Variants in POU6F2 observed in about 807,000 individuals in gnomAD.
POU6F2 encodes the protein POU class 6 homeobox 2.
A neutral mutation model predicts 71.3 loss-of-function variants in POU6F2; 31 were observed. The ratio of observed to expected loss-of-function variants is 0.43; its 90% confidence interval spans 0.33 to 0.59. The LOEUF (loss-of-function observed/expected upper bound fraction) is 0.59, where lower values mean the gene tolerates loss of function less well. Among genes scored for constraint, POU6F2 ranks in the 20% least tolerant of loss-of-function variants. The pLI is 0.04. For synonymous variants in POU6F2, 347 were observed against 355.7 expected (o/e 0.98, Z 0.27); for missense variants, 783 against 856.8 (o/e 0.91, Z 1.07).
intron 4 of POU6F2, among the ~76,000 whole-genome samples, chr7:39,298,159 C>G (rs376131467): frequency 2.0e-5 from 3 of 152,120 alleles, no homozygotes; most frequent in Non-Finnish European, 4.4e-5. Flanking sequence ...CCAAAAATGA[C>G]AAATGGGATC....
At chr7:39,153,895 T>C (rs1049590117) in intron 2 of POU6F2, among the ~76,000 whole-genome samples, 1 of 152,142 alleles carries the variant, frequency 6.6e-6, no homozygotes, top group Admixed American at 6.5e-5. Context: ...TGGGTACCCT[T>C]GCCACTGGTG....
At chr7:39,272,431 A>C (rs554109181) in intron 4 of POU6F2, among the ~76,000 whole-genome samples, 91 of 152,262 alleles carry the variant, frequency 6.0e-4, no homozygotes, top group Non-Finnish European at 1.1e-3. Flanking sequence ...GACCAGCATA[A>C]TATTTTATTC....
At chr7:39,424,759 A>C (rs933969613) in intron 6 of POU6F2, among the ~76,000 whole-genome samples, 2 of 152,106 alleles carry the variant, frequency 1.3e-5, no homozygotes, top group Non-Finnish European at 2.9e-5. Flanking sequence ...TTACAGTAAA[A>C]TATGTAACCC....
intron 5 of POU6F2, among the ~76,000 whole-genome samples, chr7:39,368,085 A>C (rs551447461): frequency 1.3e-5 from 2 of 152,172 alleles, no homozygotes; most frequent in Admixed American, 6.5e-5. Flanking sequence ...TCCAAGTTTA[A>C]GTGAAAGGAA....
intron 1 of POU6F2, among the ~76,000 whole-genome samples, chr7:39,014,671 A>G (rs1789423489): frequency 6.6e-6 from 1 of 152,004 alleles, no homozygotes; most frequent in African/African-American, 2.4e-5. Context: ...TCACCTCCAC[A>G]TGTTGCTATA....
At chr7:39,066,096 C>T (rs192555931) in intron 1 of POU6F2, among the ~76,000 whole-genome samples, 33 of 151,752 alleles carry the variant, frequency 2.2e-4, no homozygotes, top group Admixed American at 9.2e-4. Flanking sequence ...TTCCTGGATC[C>T]GAAGATGCTT....
intron 2 of POU6F2, among the ~76,000 whole-genome samples, chr7:39,169,451 A>T (rs1486570760): frequency 6.6e-6 from 1 of 152,168 alleles, no homozygotes; most frequent in Non-Finnish European, 1.5e-5. Flanking sequence ...AAAAACCAAC[A>T]ACCAACAACA....
intron 5 of POU6F2, among the ~76,000 whole-genome samples, chr7:39,392,113 A>G (rs1274168689): frequency 2.0e-5 from 3 of 152,212 alleles, no homozygotes; most frequent in Non-Finnish European, 4.4e-5. Flanking sequence ...TAGTTAATAC[A>G]TTTATTTAGT....
At chr7:39,106,529 T>C (rs1451421364) in intron 2 of POU6F2, among the ~76,000 whole-genome samples, 2 of 152,234 alleles carry the variant, frequency 1.3e-5, no homozygotes, top group African/African-American at 4.8e-5. Flanking sequence ...TGCAGACATA[T>C]TTTGTAGCAA....
chr7:39,250,361 G>A (rs1040862754), intron 4 of POU6F2, among the ~76,000 whole-genome samples: 17 of 152,092 alleles, frequency 1.1e-4, no homozygotes, highest in Admixed American at 3.3e-4. Flanking sequence ...CTTTTGTGTC[G>A]CTGGCCCTAG....
At chr7:39,032,074 C>A (rs1274038592) in intron 1 of POU6F2, among the ~76,000 whole-genome samples, 1 of 152,142 alleles carries the variant, frequency 6.6e-6, no homozygotes, top group Non-Finnish European at 1.5e-5. Context: ...AGGATGGCAC[C>A]TTTCTCCAAA....
chr7:39,289,242 G>A (rs1784703810), intron 4 of POU6F2, among the ~76,000 whole-genome samples: 1 of 152,152 alleles, frequency 6.6e-6, no homozygotes, highest in Non-Finnish European at 1.5e-5. Flanking sequence ...CATACAGGGG[G>A]CCACTCCAGC....
At chr7:39,214,742 C>T (rs1026254547) in intron 4 of POU6F2, among the ~76,000 whole-genome samples, 1 of 152,150 alleles carries the variant, frequency 6.6e-6, no homozygotes, top group African/African-American at 2.4e-5. Flanking sequence ...GTAAAGAGAG[C>T]ATTCAGTGTA....
intron 1 of POU6F2, among the ~76,000 whole-genome samples, chr7:38,996,191 C>T (rs1788734980): frequency 6.6e-6 from 1 of 151,956 alleles, no homozygotes; most frequent in Non-Finnish European, 1.5e-5. Flanking sequence ...AGGTGGCTGC[C>T]ACTATGCCTG....
intron 4 of POU6F2, among the ~76,000 whole-genome samples, chr7:39,330,785 C>T (rs557964219): frequency 1.3e-4 from 20 of 152,210 alleles, no homozygotes; most frequent in African/African-American, 4.3e-4. Context: ...TTCATTATTT[C>T]GTGCATTTAT....
chr7:39,098,064 TG>T (rs1465047663), intron 2 of POU6F2, among the ~76,000 whole-genome samples: 5 of 152,176 alleles, frequency 3.3e-5, no homozygotes, highest in African/African-American at 1.2e-4. Context: ...GGAACACAAT[TG>T]CTCTTCTTTA....
At chr7:39,138,773 C>A (rs1173492586) in intron 2 of POU6F2, among the ~76,000 whole-genome samples, 1 of 152,178 alleles carries the variant, frequency 6.6e-6, no homozygotes, top group African/African-American at 2.4e-5. Context: ...ACCCCTGCCC[C>A]CCAGGTCCAT....
chr7:39,411,534 G>T (rs375730556), intron 6 of POU6F2, among the ~76,000 whole-genome samples: 13 of 152,114 alleles, frequency 8.5e-5, no homozygotes, highest in Middle Eastern at 3.4e-3. Context: ...GCCAGTCAAG[G>T]GGGGGGAAGT....
At chr7:39,345,198 A>G (rs1488792888) in intron 5 of POU6F2, among the ~76,000 whole-genome samples, 1 of 152,222 alleles carries the variant, frequency 6.6e-6, no homozygotes, top group African/African-American at 2.4e-5. Context: ...TTCTTAAAAT[A>G]TTGTAGTAAG....
Sources: gnomAD v4.1 joint callset for allele counts (sites outside exome capture counted in the v4.1 genomes callset) on GRCh38, gnomAD v4.1.1 for gene constraint, MANE v1.5 for transcripts, NCBI Gene and HGNC (gene_info 2026-07-23, HGNC 2026-07-21) for gene names.